OSBPL6: variants seen among roughly 807,000 people sequenced by gnomAD.
OSBPL6 encodes the protein oxysterol binding protein like 6, also known as oxysterol-binding protein-related protein 6.
A neutral mutation model predicts 125.8 loss-of-function variants in OSBPL6; 49 were observed. The observed-to-expected ratio is 0.39, with a 90% confidence interval of 0.31 to 0.49. OSBPL6 has a LOEUF of 0.49. OSBPL6 is among the 20% of genes least tolerant of loss of function. The pLI is 0.88. For missense variants in OSBPL6, 986 were observed against 1,135.4 expected (o/e 0.87, Z 1.89); for synonymous variants, 394 against 391.8 (o/e 1.01, Z -0.07).
intron 2 of OSBPL6, among the ~76,000 whole-genome samples, chr2:178,305,692 G>C (rs907237560): frequency 1.3e-5 from 2 of 152,122 alleles, no homozygotes; most frequent in Admixed American, 6.6e-5. Flanking sequence ...TAGTCCATTG[G>C]GTAGGAGAGA....
At chr2:178,368,797 A>C (rs1693098508) in intron 13 of OSBPL6, among the ~76,000 whole-genome samples, 1 of 133,728 alleles carries the variant, frequency 7.5e-6, no homozygotes, top group Non-Finnish European at 1.6e-5. Context: ...TCTTAATAAA[A>C]AAAATCCTTT....
At chr2:178,275,737 G>GAA (rs35274125) in intron 1 of OSBPL6, among the ~76,000 whole-genome samples, 23 of 148,616 alleles carry the variant, frequency 1.5e-4, no homozygotes, top group South Asian at 6.4e-4. Context: ...AAAAAAGAGG[G>GAA]AAAAAAAAAA....
chr2:178,396,983 A>G lies in OSBPL6; in HGVS notation c.*1424A>G, dbSNP rs1366689997. On this transcript the variant is annotated 3_prime_UTR_variant, in exon 25 of 25. Coordinates refer to ENST00000190611, the MANE Select transcript of OSBPL6 (RefSeq NM_032523.4). Reference sequence around the variant, plus strand: ...TTCCTAGGGAATTATAAAATTACATATATTTTATTGTTAGTTAGATGTTTA... The same window carrying G: ...TTCCTAGGGAATTATAAAATTACATGTATTTTATTGTTAGTTAGATGTTTA... 6.6e-6 allele frequency: 1 copy of G among 152,218 alleles called. No homozygotes were observed. Among genetic ancestry groups the G allele is most frequent in the African/African-American group, 2.4e-5 (1 of 41,450 alleles). 9.4% of individuals were successfully genotyped at this position (152,218 alleles called of 1,614,324 possible).
At chr2:178,290,143 A>G (rs1330141628) in intron 2 of OSBPL6, among the ~76,000 whole-genome samples, 1 of 152,142 alleles carries the variant, frequency 6.6e-6, no homozygotes, top group Non-Finnish European at 1.5e-5. Context: ...CCCCCACCCC[A>G]TCCTATTATT....
chr2:178,370,217 A>C (rs1403794130), intron 13 of OSBPL6, among the ~76,000 whole-genome samples: 1 of 152,310 alleles, frequency 6.6e-6, no homozygotes, highest in East Asian at 1.9e-4. Flanking sequence ...GTGAGCTGAG[A>C]TCACACCACT....
intron 15 of OSBPL6, among the ~76,000 whole-genome samples, chr2:178,377,985 C>T (rs965193430): frequency 6.6e-5 from 10 of 152,126 alleles, no homozygotes; most frequent in Admixed American, 2.6e-4. Flanking sequence ...TGCACCACCA[C>T]GCCTGGCTAA....
chr2:178,260,116 A>T (rs1198921001), intron 1 of OSBPL6, among the ~76,000 whole-genome samples: 1 of 152,210 alleles, frequency 6.6e-6, no homozygotes, highest in East Asian at 1.9e-4. Context: ...ACCTGCTGCT[A>T]ATGATGTGTC....
At chr2:178,242,358 G>A (rs972192174) in intron 1 of OSBPL6, among the ~76,000 whole-genome samples, 1 of 152,124 alleles carries the variant, frequency 6.6e-6, no homozygotes, top group Non-Finnish European at 1.5e-5. Context: ...TAGCTGAGCA[G>A]CCTACTTTCC....
chr2:178,369,488 A>G (rs1037201719), intron 13 of OSBPL6, among the ~76,000 whole-genome samples: 3 of 152,186 alleles, frequency 2.0e-5, no homozygotes, highest in Non-Finnish European at 4.4e-5. Context: ...TCAAATTTGT[A>G]TGTTTATTTA....
intron 11 of OSBPL6, among the ~76,000 whole-genome samples, chr2:178,342,788 A>G (rs941421552): frequency 1.3e-5 from 2 of 152,202 alleles, no homozygotes; most frequent in African/African-American, 4.8e-5. Flanking sequence ...GATCATATGA[A>G]TTAAATACTA....
intron 1 of OSBPL6, among the ~76,000 whole-genome samples, chr2:178,233,979 G>GT (rs144412281): frequency 2.6e-5 from 4 of 151,170 alleles, no homozygotes; most frequent in South Asian, 4.2e-4. Flanking sequence ...TCTAGTGGCA[G>GT]TTTTTTTTTC....
At chr2:178,385,345 A>G in intron 18 of OSBPL6, 113 bp from the exon 19 acceptor site, 1 of 723,282 alleles carries the variant, frequency 1.4e-6, no homozygotes. Context: ...TTTTTAAAGC[A>G]TGAAGTCTTA....
intron 21 of OSBPL6, among the ~76,000 whole-genome samples, chr2:178,390,170 A>G (rs1430621440): frequency 6.6e-6 from 1 of 152,228 alleles, no homozygotes; most frequent in East Asian, 1.9e-4. Context: ...TCTGTAAGCT[A>G]TAAAATAGAA....
intron 18 of OSBPL6, among the ~76,000 whole-genome samples, chr2:178,384,778 G>T (rs770277237): frequency 8.6e-5 from 13 of 151,968 alleles, no homozygotes; most frequent in Admixed American, 2.0e-4. Flanking sequence ...AATGTACATT[G>T]CCAGGTTGAA....
intron 1 of OSBPL6, among the ~76,000 whole-genome samples, chr2:178,223,437 C>G (rs1024096044): frequency 6.6e-6 from 1 of 152,128 alleles, no homozygotes; most frequent in Admixed American, 6.5e-5. Flanking sequence ...CCACTGGATT[C>G]AAATCTTGAT....
chr2:178,250,881 G>C (rs2091668655), intron 1 of OSBPL6, among the ~76,000 whole-genome samples: 1 of 151,842 alleles, frequency 6.6e-6, no homozygotes, highest in African/African-American at 2.4e-5. Flanking sequence ...AACCTGTCAG[G>C]CTGGTGCTGT....
chr2:178,281,382 C>A (rs895371356), intron 1 of OSBPL6, among the ~76,000 whole-genome samples: 3 of 152,058 alleles, frequency 2.0e-5, no homozygotes, highest in African/African-American at 7.2e-5. Flanking sequence ...AGACTTTCTT[C>A]TAGGGTTTTT....
At chr2:178,253,270 C>T (rs1358674953) in intron 1 of OSBPL6, among the ~76,000 whole-genome samples, 1 of 152,166 alleles carries the variant, frequency 6.6e-6, no homozygotes, top group Non-Finnish European at 1.5e-5. Context: ...AATCACCCAC[C>T]TCGGCCTCCC....
chr2:178,308,383 G>C (rs1217343979), intron 3 of OSBPL6, among the ~76,000 whole-genome samples: 1 of 152,200 alleles, frequency 6.6e-6, no homozygotes, highest in Admixed American at 6.5e-5. Context: ...AAGGGACATA[G>C]AGAAAGTGTG....
Sources: allele counts gnomAD v4.1 joint callset (sites outside exome capture counted in the v4.1 genomes callset), GRCh38; gene constraint gnomAD v4.1.1; transcripts MANE v1.5; gene names NCBI Gene and HGNC (gene_info 2026-07-23, HGNC 2026-07-21).